NRG3: variants seen among roughly 807,000 people sequenced by gnomAD.
The protein encoded by NRG3 is neuregulin 3.
In NRG3, 31 loss-of-function variants were observed where a neutral mutation model predicts 66.9. The ratio of observed to expected loss-of-function variants is 0.46; its 90% CI spans 0.35 to 0.63. The LOEUF (loss-of-function observed/expected upper bound fraction) is 0.63, where lower values mean the gene tolerates loss of function less well. Among genes scored for constraint, NRG3 ranks in the 20% least tolerant of loss-of-function variants. The pLI is 0.00. For synonymous variants in NRG3, 393 were observed against 359.4 expected (o/e 1.09, Z -1.06); for missense variants, 910 against 878.9 (o/e 1.04, Z -0.45).
intron 1 of NRG3, among the ~76,000 whole-genome samples, chr10:81,906,621 A>T (rs946824778): frequency 5.9e-5 from 9 of 152,180 alleles, no homozygotes; most frequent in African/African-American, 2.2e-4. Context: ...ATATGTTGCC[A>T]CGTGAGGTCT....
intron 2 of NRG3, among the ~76,000 whole-genome samples, chr10:82,622,140 TA>T (rs1396337451): frequency 2.0e-5 from 3 of 152,212 alleles, no homozygotes; most frequent in East Asian, 3.9e-4. Context: ...TTTCTTTTAC[TA>T]AAATATAATT....
intron 1 of NRG3, among the ~76,000 whole-genome samples, chr10:82,343,347 G>C (rs772853908): frequency 6.6e-6 from 1 of 152,002 alleles, no homozygotes; most frequent in Non-Finnish European, 1.5e-5. Context: ...ATTTAATGAA[G>C]GAAGTGAAAG....
rs569580219 is a variant in NRG3 at position 81,923,372 on chromosome 10, A to G, written c.823+47209A>G. Among the ~76,000 whole-genome samples, 495 of 152,050 alleles carry G rather than the reference A, an allele frequency of 3.3e-3. 4 individuals carry two copies. The highest frequency in any genetic ancestry group is 0.011 in the African/African-American group (450 of 41,482). Reference sequence around the variant, plus strand: ...AGGCGCCCGCCACCGCGCCCGGCTAATTTTTTGTATTTTTAGTAGAGACGG... The same window carrying G: ...AGGCGCCCGCCACCGCGCCCGGCTAGTTTTTTGTATTTTTAGTAGAGACGG... On this transcript the variant is annotated intron_variant, in intron 1 of 8. Transcript: ENST00000372141.
intron 2 of NRG3, among the ~76,000 whole-genome samples, chr10:82,612,111 G>C (rs1330253834): frequency 6.6e-6 from 1 of 151,880 alleles, no homozygotes; most frequent in Non-Finnish European, 1.5e-5. Flanking sequence ...TTTTTGATGG[G>C]GTTGTTTTTT....
At chr10:82,977,511 G>C (rs1187191165) in intron 7 of NRG3, among the ~76,000 whole-genome samples, 1 of 151,532 alleles carries the variant, frequency 6.6e-6, no homozygotes. Flanking sequence ...TGGGAGGCTG[G>C]GGCAGGCGAA....
intron 1 of NRG3, among the ~76,000 whole-genome samples, chr10:82,118,766 A>C (rs1427440247): frequency 6.6e-6 from 1 of 152,180 alleles, no homozygotes; most frequent in East Asian, 1.9e-4. Context: ...AGTTAATAAA[A>C]AACAGGCATC....
chr10:82,778,027 C>A (rs2059972053), intron 3 of NRG3, among the ~76,000 whole-genome samples: 1 of 150,898 alleles, frequency 6.6e-6, no homozygotes, highest in African/African-American at 2.4e-5. Context: ...AGCCAAGGCT[C>A]TTTTTCCCTG....
At chr10:81,888,160 T>C (rs1362609938) in intron 1 of NRG3, among the ~76,000 whole-genome samples, 2 of 152,142 alleles carry the variant, frequency 1.3e-5, no homozygotes, top group African/African-American at 4.8e-5. Context: ...AGGGTCTTCC[T>C]GGCTTCAGCA....
rs113609909 is a variant in NRG3 at position 82,274,452 on chromosome 10, T to C, written c.824-84287T>C. On this transcript the variant is annotated intron_variant, in intron 1 of 8. Transcript: ENST00000372141. ...CTTTATTGCTGCTTTCTTCTTAAAATTTTCACAGTAAGTAGTTTATTTCTG... is the reference window on the plus strand; with the variant it reads ...CTTTATTGCTGCTTTCTTCTTAAAACTTTCACAGTAAGTAGTTTATTTCTG... Among the ~76,000 whole-genome samples, 1,200 of 152,072 alleles carry C rather than the reference T, an allele frequency of 7.9e-3. 10 individuals are homozygous for C. The highest frequency in any genetic ancestry group is 0.013 in the Non-Finnish European group (903 of 67,944).
chr10:82,767,466 G>T (rs1245826253), intron 3 of NRG3, among the ~76,000 whole-genome samples: 1 of 151,910 alleles, frequency 6.6e-6, no homozygotes, highest in African/African-American at 2.4e-5. Context: ...TTTCTTCACG[G>T]GTTCTTTTAA....
intron 4 of NRG3, among the ~76,000 whole-genome samples, chr10:82,890,282 A>G (rs916784972): frequency 4.6e-5 from 7 of 152,194 alleles, no homozygotes; most frequent in Non-Finnish European, 1.0e-4. Context: ...GTGTAACCAG[A>G]CATATCAAGG....
chr10:82,200,240 TG>T (rs1313432534), intron 1 of NRG3, among the ~76,000 whole-genome samples: 1 of 152,198 alleles, frequency 6.6e-6, no homozygotes. Flanking sequence ...GTTGAGGTAG[TG>T]GTTGGTAGCA....
chr10:82,131,476 C>A (rs1278716969), intron 1 of NRG3, among the ~76,000 whole-genome samples: 1 of 151,890 alleles, frequency 6.6e-6, no homozygotes, highest in Non-Finnish European at 1.5e-5. Flanking sequence ...AATGTGATTC[C>A]TCCAGTTTTT....
chr10:82,474,193 A>G (rs1271475474), intron 2 of NRG3, among the ~76,000 whole-genome samples: 1 of 151,948 alleles, frequency 6.6e-6, no homozygotes, highest in Admixed American at 6.6e-5. Flanking sequence ...TCTATGAGAG[A>G]TCAGAGATAT....
intron 1 of NRG3, among the ~76,000 whole-genome samples, chr10:82,072,324 C>A (rs1214033939): frequency 6.6e-6 from 1 of 152,142 alleles, no homozygotes; most frequent in East Asian, 1.9e-4. Context: ...GGGATAATTG[C>A]TTGTTCAGCA....
intron 1 of NRG3, among the ~76,000 whole-genome samples, chr10:82,136,607 G>A (rs2069372270): frequency 6.6e-6 from 1 of 152,096 alleles, no homozygotes; most frequent in African/African-American, 2.4e-5. Context: ...GTCCACCATA[G>A]TTATCAATGT....
intron 1 of NRG3, chr10:82,225,303 C>T (rs923859443): frequency 6.6e-6 from 1 of 152,130 alleles, no homozygotes; most frequent in Non-Finnish European, 1.5e-5. Flanking sequence ...ACATATGCTA[C>T]TTTTTCTGTT....
intron 4 of NRG3, among the ~76,000 whole-genome samples, chr10:82,925,482 A>G (rs150996604): frequency 1.3e-5 from 2 of 152,364 alleles, no homozygotes; most frequent in East Asian, 1.9e-4. Context: ...TAAGTGCTCC[A>G]TAAATATTCA....
intron 1 of NRG3, among the ~76,000 whole-genome samples, chr10:82,218,448 C>G (rs2075790685): frequency 6.6e-6 from 1 of 152,190 alleles, no homozygotes; most frequent in African/African-American, 2.4e-5. Flanking sequence ...GGATTCAGTT[C>G]TGTTCAGCCA....
Sources: gnomAD v4.1 joint callset for allele counts (sites outside exome capture counted in the v4.1 genomes callset) on GRCh38, gnomAD v4.1.1 for gene constraint, MANE v1.5 for transcripts, NCBI Gene and HGNC (gene_info 2026-07-23, HGNC 2026-07-21) for gene names.